ENTHD1: variants seen among roughly 807,000 people sequenced by gnomAD.
ENTHD1 encodes ENTH domain-containing protein 1.
In ENTHD1, 23 loss-of-function variants were observed where a neutral mutation model predicts 39.1. The observed-to-expected ratio is 0.59, with a 90% CI of 0.42 to 0.83. The LOEUF is 0.83. ENTHD1 is among the 40% of genes least tolerant of loss of function. ENTHD1 has a pLI of 0.00. For synonymous variants in ENTHD1, 230 were observed against 258.2 expected, an observed-to-expected ratio of 0.89 and a Z score of 1.05; for missense variants, 624 against 705.4, an observed-to-expected ratio of 0.88 and a Z score of 1.31.
intron 2 of ENTHD1, chr22:39,876,016 C>G: frequency 3.1e-6 from 5 of 1,613,958 alleles, no homozygotes; most frequent in Non-Finnish European, 4.2e-6. Context: ...ATGGGTCACA[C>G]TATGATGCAT....
chr22:39,833,545 A>C (rs1295339714), intron 4 of ENTHD1, among the ~76,000 whole-genome samples: 1 of 152,110 alleles, frequency 6.6e-6, no homozygotes, highest in Non-Finnish European at 1.5e-5. Context: ...TACATATAAA[A>C]ATAGAATAGT....
chr22:39,784,525 GCTCT>G (rs148124035), intron 5 of ENTHD1, among the ~76,000 whole-genome samples: 2 of 141,580 alleles, frequency 1.4e-5, no homozygotes, highest in South Asian at 2.3e-4. Context: ...AAGAAAATGC[GCTCT>G]CTCTCTCTCT....
At chr22:39,778,415 T>A (rs181660720) in intron 5 of ENTHD1, among the ~76,000 whole-genome samples, 2 of 152,326 alleles carry the variant, frequency 1.3e-5, no homozygotes, top group African/African-American at 4.8e-5. Context: ...CTCAGACATA[T>A]GCCCTATTAG....
intron 5 of ENTHD1, among the ~76,000 whole-genome samples, chr22:39,790,700 CAG>C (rs1208885949): frequency 3.3e-5 from 5 of 152,182 alleles, no homozygotes; most frequent in African/African-American, 1.2e-4. Context: ...AGGTTAGAAT[CAG>C]ACCCTGACTA....
At chr22:39,788,717 T>C (rs1423131070) in intron 5 of ENTHD1, among the ~76,000 whole-genome samples, 1 of 152,122 alleles carries the variant, frequency 6.6e-6, no homozygotes, top group Non-Finnish European at 1.5e-5. Context: ...AAGAGTCAAA[T>C]GACCTGGCAA....
At chr22:39,893,621 G>GGCA (rs1569185806) in intron 1 of ENTHD1, 74 bp downstream of exon 1, 1 of 152,286 alleles carries the variant, frequency 6.6e-6, no homozygotes, top group Admixed American at 6.5e-5. Flanking sequence ...GGCAAGAAAC[G>GGCA]GGAGGAGGGA....
At chr22:39,836,364 A>G (rs545158176) in intron 3 of ENTHD1, among the ~76,000 whole-genome samples, 2 of 152,264 alleles carry the variant, frequency 1.3e-5, no homozygotes, top group East Asian at 1.9e-4. Flanking sequence ...TCCTACATCA[A>G]CAACTCTGTT....
chr22:39,806,927 A>G (rs572957149), intron 5 of ENTHD1, among the ~76,000 whole-genome samples: 1 of 152,262 alleles, frequency 6.6e-6, no homozygotes, highest in East Asian at 1.9e-4. Context: ...ATGAGAGAAT[A>G]TGGTGTTTGG....
chr22:39,869,400 G>A (rs1442163867), intron 2 of ENTHD1, among the ~76,000 whole-genome samples: 1 of 152,046 alleles, frequency 6.6e-6, no homozygotes, highest in Admixed American at 6.5e-5. Flanking sequence ...CTTATAAATG[G>A]GAGAATGGGA....
chr22:39,892,020 T>G (rs937892512), intron 1 of ENTHD1, among the ~76,000 whole-genome samples: 1 of 152,178 alleles, frequency 6.6e-6, no homozygotes, highest in Non-Finnish European at 1.5e-5. Context: ...AAATAAAATC[T>G]AGCTCTCATA....
intron 5 of ENTHD1, among the ~76,000 whole-genome samples, chr22:39,778,756 C>T (rs764651265): frequency 6.6e-6 from 1 of 152,136 alleles, no homozygotes; most frequent in Non-Finnish European, 1.5e-5. Context: ...TATAATATGA[C>T]TTACAGGACT....
Position 39,765,308 on chromosome 22 carries a change from C to T in ENTHD1, c.1134G>A (p.Lys378=). The change falls in exon 6 of 7, where the codon AAG becomes AAA. Residue 378 remains lysine (K), a synonymous_variant. Transcript: ENST00000325157. Reference sequence around the variant, plus strand: ...GGTAGGCCTTGTTGATTACAATCTCCTTCACTCGGTCAAATATTTTGAATG... The same window carrying T: ...GGTAGGCCTTGTTGATTACAATCTCTTTCACTCGGTCAAATATTTTGAATG... ...SPSFKIFDRV[K]EIVINKAYQK... The T allele has an allele frequency of 6.2e-7, 1 of 1,613,426 alleles. No individual in the cohort carries two copies.
chr22:39,795,387 T>C (rs2065539866), intron 5 of ENTHD1, among the ~76,000 whole-genome samples: 2 of 152,056 alleles, frequency 1.3e-5, no homozygotes, highest in South Asian at 4.1e-4. Context: ...CATCTGGTCC[T>C]GGGCTTTTCT....
intron 5 of ENTHD1, among the ~76,000 whole-genome samples, chr22:39,778,352 C>T (rs1029239932): frequency 6.6e-6 from 1 of 152,102 alleles, no homozygotes; most frequent in African/African-American, 2.4e-5. Flanking sequence ...TATTTGAGAT[C>T]AAGAGAACTG....
Position 39,890,099 on chromosome 22 carries a change from AAAATAAATAAAT to A in ENTHD1, c.-155-2208_-155-2197del, listed in dbSNP as rs202065437. Among the ~76,000 whole-genome samples, 759 of 139,568 alleles carry A rather than the reference AAAATAAATAAAT, an allele frequency of 5.4e-3. 1 individual carries two copies. Among genetic ancestry groups the A allele is most frequent in the South Asian group, 0.013 (56 of 4,304 alleles). The allele number at this position is 139,568 out of a possible 152,430, so 91.6% of individuals were successfully genotyped here. A position where few individuals can be genotyped will look rare whatever the true frequency, so the allele number is the denominator to read the frequency against. ...GGAGATAGAGTGAGACTCTGTCTCA[AAAATAAATAAAT>A]AAATAAATAAATAAATAAATAAATA... On this transcript the variant is annotated intron_variant, in intron 1 of 6. Coordinates refer to ENST00000325157, the MANE Select transcript of ENTHD1 (RefSeq NM_152512.4).
rs113601003 is a variant in ENTHD1 at position 39,833,275 on chromosome 22, C to A, written c.711+2565G>T. ...CCCACTTAAGCTGATAGGGAGCAGA[C>A]AGATTAAGCTCTAGCCTTTAGCAAT... On this transcript the variant is annotated intron_variant, in intron 4 of 6. Coordinates refer to ENST00000325157, the MANE Select transcript of ENTHD1 (RefSeq NM_152512.4). Among the ~76,000 whole-genome samples, 709 of 152,192 alleles carry A rather than the reference C, an allele frequency of 4.7e-3. 7 individuals carry two copies. The highest frequency in any genetic ancestry group is 0.016 in the African/African-American group (665 of 41,498).
intron 2 of ENTHD1, among the ~76,000 whole-genome samples, chr22:39,880,552 T>C (rs1307141464): frequency 2.0e-5 from 3 of 152,162 alleles, no homozygotes; most frequent in Non-Finnish European, 4.4e-5. Flanking sequence ...ATGTTTATAA[T>C]GGGGGAGGCT....
At chr22:39,873,055 C>T (rs548539976) in intron 2 of ENTHD1, among the ~76,000 whole-genome samples, 45 of 151,840 alleles carry the variant, frequency 3.0e-4, no homozygotes, top group African/African-American at 1.1e-3. Flanking sequence ...GAACTCCTGA[C>T]CTCAGGAAAT....
intron 2 of ENTHD1, among the ~76,000 whole-genome samples, chr22:39,869,153 A>G (rs1405180013): frequency 6.6e-6 from 1 of 152,218 alleles, no homozygotes; most frequent in Non-Finnish European, 1.5e-5. Flanking sequence ...TGCCAAAAAT[A>G]CACATGCACT....
Sources: gnomAD v4.1 joint callset for allele counts (sites outside exome capture counted in the v4.1 genomes callset) on GRCh38, gnomAD v4.1.1 for gene constraint, MANE v1.5 for transcripts, NCBI Gene and HGNC (gene_info 2026-07-23, HGNC 2026-07-21) for gene names.